Variants in PTPRD observed in about 807,000 individuals in gnomAD.
PTPRD encodes receptor-type tyrosine-protein phosphatase delta.
PTPRD carries 34 observed loss-of-function variants against 214.5 expected under a neutral mutation model. That is an observed-to-expected ratio of 0.16 (90% CI 0.12 to 0.21). The LOEUF (loss-of-function observed/expected upper bound fraction) is 0.21, where lower values mean the gene tolerates loss of function less well. Ranked by LOEUF, PTPRD falls within the 10% of genes least tolerant of loss-of-function variation. PTPRD has a pLI of 1.00. For missense variants in PTPRD, 2,545 were observed against 2,398.7 expected (o/e 1.06, Z -1.27); for synonymous variants, 1,128 against 845.7 (o/e 1.33, Z -5.79).
intron 5 of PTPRD, among the ~76,000 whole-genome samples, chr9:9,903,637 A>G (rs902921085): frequency 2.0e-5 from 3 of 152,132 alleles, no homozygotes; most frequent in African/African-American, 7.2e-5. Flanking sequence ...GAAAAATAAG[A>G]TATAATTAAA....
chr9:9,832,889 C>A (rs1371032807), intron 5 of PTPRD, among the ~76,000 whole-genome samples: 54 of 141,674 alleles, frequency 3.8e-4, no homozygotes, highest in Non-Finnish European at 7.6e-5. Flanking sequence ...AGCTTTTTTT[C>A]TATGTTTTTT....
At chr9:9,210,251 G>A (rs949130077) in intron 9 of PTPRD, among the ~76,000 whole-genome samples, 2 of 152,050 alleles carry the variant, frequency 1.3e-5, no homozygotes, top group Non-Finnish European at 2.9e-5. Flanking sequence ...CACAAATAAT[G>A]TATTGGCTGT....
intron 2 of PTPRD, among the ~76,000 whole-genome samples, chr9:10,502,127 G>A (rs1365795329): frequency 6.6e-6 from 1 of 151,912 alleles, no homozygotes; most frequent in East Asian, 1.9e-4. Flanking sequence ...ATTTCATGGT[G>A]AGAAAAGAAA....
chr9:9,626,955 T>C (rs944227784), intron 7 of PTPRD, among the ~76,000 whole-genome samples: 1 of 152,200 alleles, frequency 6.6e-6, no homozygotes, highest in African/African-American at 2.4e-5. Flanking sequence ...TAATATGAAT[T>C]TCAAGATAAT....
At chr9:9,516,635 G>A (rs1461043302) in intron 8 of PTPRD, among the ~76,000 whole-genome samples, 2 of 151,886 alleles carry the variant, frequency 1.3e-5, no homozygotes, top group African/African-American at 4.8e-5. Flanking sequence ...CCTCCAGGGT[G>A]CAAGCGATTT....
intron 5 of PTPRD, among the ~76,000 whole-genome samples, chr9:9,936,932 G>A (rs2089691627): frequency 6.8e-6 from 1 of 147,688 alleles, no homozygotes; most frequent in African/African-American, 2.5e-5. Flanking sequence ...GTAGGGACAT[G>A]GATGTAATTG....
At chr9:8,639,179 C>G (rs1164414576) in intron 12 of PTPRD, among the ~76,000 whole-genome samples, 1 of 152,160 alleles carries the variant, frequency 6.6e-6, no homozygotes, top group South Asian at 2.1e-4. Context: ...GAGAGGATTA[C>G]AAAACACTGT....
intron 9 of PTPRD, among the ~76,000 whole-genome samples, chr9:9,245,735 G>T (rs373316033): frequency 1.3e-5 from 2 of 152,172 alleles, no homozygotes; most frequent in African/African-American, 4.8e-5. Context: ...AAACCTGCAC[G>T]TTGTGCACAT....
At chr9:9,479,230 AC>A (rs1267555584) in intron 8 of PTPRD, among the ~76,000 whole-genome samples, 2 of 24,968 alleles carry the variant, frequency 8.0e-5, no homozygotes, top group Non-Finnish European at 1.7e-4. Context: ...CCCCCCCCCC[AC>A]ACACACACCC....
chr9:9,676,958 C>T (rs2096943963), intron 7 of PTPRD, among the ~76,000 whole-genome samples: 1 of 152,086 alleles, frequency 6.6e-6, no homozygotes, highest in Non-Finnish European at 1.5e-5. Flanking sequence ...CCTTCGCCCA[C>T]TTGTTGATGG....
intron 10 of PTPRD, among the ~76,000 whole-genome samples, chr9:9,111,397 G>A (rs972671241): frequency 2.0e-5 from 3 of 151,606 alleles, no homozygotes; most frequent in South Asian, 2.1e-4. Context: ...TCTGATCGCC[G>A]CCTTCCTAGA....
intron 9 of PTPRD, among the ~76,000 whole-genome samples, chr9:9,233,419 G>A (rs2099964427): frequency 6.6e-6 from 1 of 152,050 alleles, no homozygotes; most frequent in Non-Finnish European, 1.5e-5. Flanking sequence ...GATTTGGGTG[G>A]TGACACCGAG....
intron 8 of PTPRD, among the ~76,000 whole-genome samples, chr9:9,501,702 T>C (rs1324572081): frequency 1.3e-5 from 2 of 151,938 alleles, no homozygotes; most frequent in Non-Finnish European, 1.5e-5. Flanking sequence ...ATTGAATTTA[T>C]AAGGTGTATT....
chr9:8,321,501 A>ATG (rs1563891240), intron 44 of PTPRD, among the ~76,000 whole-genome samples: 1 of 86,430 alleles, frequency 1.2e-5, no homozygotes, highest in African/African-American at 7.6e-5. Flanking sequence ...ATATATATAT[A>ATG]TATATATATA....
chr9:8,526,267 G>GAAT (rs2074100180), intron 17 of PTPRD, among the ~76,000 whole-genome samples: 1 of 75,986 alleles, frequency 1.3e-5, no homozygotes, highest in Admixed American at 1.3e-4. Flanking sequence ...AAAGGAAAAA[G>GAAT]AAGAAAAAAA....
At chr9:9,373,418 A>T (rs1324087324) in intron 9 of PTPRD, among the ~76,000 whole-genome samples, 2 of 152,140 alleles carry the variant, frequency 1.3e-5, no homozygotes, top group African/African-American at 2.4e-5. Context: ...CAAATCGCAT[A>T]CTACATAATT....
intron 8 of PTPRD, among the ~76,000 whole-genome samples, chr9:9,512,137 T>C (rs1207946958): frequency 6.6e-6 from 1 of 151,818 alleles, no homozygotes; most frequent in Non-Finnish European, 1.5e-5. Flanking sequence ...AGCTAAGGAC[T>C]TGTTGAACTC....
chr9:8,325,744 C>G (rs781333137), intron 44 of PTPRD, among the ~76,000 whole-genome samples: 5 of 152,164 alleles, frequency 3.3e-5, no homozygotes, highest in Non-Finnish European at 7.3e-5. Context: ...TTTGTGTCCT[C>G]TCTTGTTTCA....
chr9:9,218,758 T>C (rs2099953927), intron 9 of PTPRD, among the ~76,000 whole-genome samples: 1 of 152,170 alleles, frequency 6.6e-6, no homozygotes, highest in African/African-American at 2.4e-5. Context: ...AGTATGAGAA[T>C]ACAAGCAAAG....
Sources: allele counts gnomAD v4.1 joint callset (sites outside exome capture counted in the v4.1 genomes callset), GRCh38; gene constraint gnomAD v4.1.1; transcripts MANE v1.5; gene names NCBI Gene and HGNC (gene_info 2026-07-23, HGNC 2026-07-21).